Variants in AREL1 observed in about 807,000 individuals in gnomAD.
AREL1 encodes the protein apoptosis-resistant E3 ubiquitin protein ligase 1.
In AREL1, 62 loss-of-function variants were observed where a neutral mutation model predicts 99.0. The ratio of observed to expected loss-of-function variants is 0.63; its 90% CI spans 0.51 to 0.77. The LOEUF (loss-of-function observed/expected upper bound fraction) is 0.77, where lower values mean the gene tolerates loss of function less well. Ranked by LOEUF, AREL1 falls within the 30% of genes least tolerant of loss-of-function variation. The probability of loss-of-function intolerance (pLI) is 0.00; values close to 1 mark genes in which losing one functional copy is unlikely to be tolerated. For missense variants in AREL1, 879 were observed against 1,027.6 expected (o/e 0.86, Z 1.98); for synonymous variants, 380 against 376.5 (o/e 1.01, Z -0.11).
Position 74,683,411 on chromosome 14 carries a change from A to G in AREL1, c.366T>C (p.Asn122=). The G allele has an allele frequency of 6.2e-7, 1 of 1,614,130 alleles. No homozygotes were observed. Among genetic ancestry groups the G allele is most frequent in the South Asian group, 1.1e-5 (1 of 91,076 alleles). ...TGAAGGCCACTTTTACTACGTTGGA[A>G]TTGGGCTCCTGAAGGACTTCCTGGG... The part of the protein sequence containing the change: ...PVTQEVLQEP[N]SNVVKVAFTV... The change falls in exon 5 of 20, where the codon AAT becomes AAC. Residue 122 remains asparagine (N), a synonymous_variant. Transcript: ENST00000356357.
At chr14:74,707,081 G>A (rs757924011) in intron 1 of AREL1, among the ~76,000 whole-genome samples, 2 of 152,148 alleles carry the variant, frequency 1.3e-5, no homozygotes, top group African/African-American at 4.8e-5. Flanking sequence ...AATTATACAC[G>A]ATCTGGTCGG....
In AREL1 at chr14:74,684,576, G is replaced by T. The variant is rs760449857; in HGVS notation, c.121C>A (p.Arg41=). The T allele has an allele frequency of 6.2e-7, 1 of 1,614,114 alleles. No homozygotes were observed. Among genetic ancestry groups the T allele is most frequent in the Non-Finnish European group, 8.5e-7 (1 of 1,180,032 alleles). ...SFLQNEDRER[R]GDRTIYDYVR... ...TAGTCATAAATAGTCCGGTCCCCTC[G>T]GCGCTCGCGGTCCTCATTCTGGAGG... The change falls in exon 4 of 20, where the codon CGA becomes AGA. Residue 41 remains arginine (R), a synonymous_variant. Transcript: ENST00000356357.
intron 17 of AREL1, among the ~76,000 whole-genome samples, chr14:74,665,444 A>T (rs373092010): frequency 5.1e-4 from 77 of 152,148 alleles, no homozygotes; most frequent in African/African-American, 1.8e-3. Flanking sequence ...TTATTTTTAA[A>T]TGAAACAAAG....
intron 18 of AREL1, 109 bp from the exon 19 acceptor site, chr14:74,664,183 T>C: frequency 1.6e-6 from 2 of 1,246,694 alleles, no homozygotes; most frequent in Non-Finnish European, 2.2e-6. Flanking sequence ...CAGTTACCGT[T>C]CTATGAGGAC....
In AREL1 at chr14:74,693,246, T is replaced by C. The variant is rs113608381; in HGVS notation, c.-333-918A>G. Among the ~76,000 whole-genome samples the C allele has an allele frequency of 8.3e-4, 127 of 152,304 alleles. 1 individual carries two copies. The highest frequency in any genetic ancestry group is 3.0e-3 in the African/African-American group (123 of 41,560). ...AAGCCCAATCTATCAGCCTATGCAG[T>C]CTGCTCCCTTCGTGCCCACATATGC... On this transcript the variant is annotated intron_variant, in intron 1 of 19. Coordinates refer to ENST00000356357, the MANE Select transcript of AREL1 (RefSeq NM_001039479.2).
chr14:74,664,150 T>C, intron 18 of AREL1, 76 bp from the exon 19 acceptor site: 4 of 1,496,316 alleles, frequency 2.7e-6, no homozygotes, highest in Non-Finnish European at 3.6e-6. Flanking sequence ...AGGAACAAGA[T>C]ACACTAAAGT....
At chr14:74,669,856 C>A in intron 14 of AREL1, 82 bp from the exon 15 acceptor site, 1 of 1,585,468 alleles carries the variant, frequency 6.3e-7, no homozygotes, top group Non-Finnish European at 8.6e-7. Flanking sequence ...CTTATCCCTT[C>A]AACCTTAAAA....
At chr14:74,707,007 G>T (rs1428854983) in intron 1 of AREL1, among the ~76,000 whole-genome samples, 2 of 152,184 alleles carry the variant, frequency 1.3e-5, no homozygotes, top group African/African-American at 4.8e-5. Context: ...CGTCAGAGGG[G>T]ATTCTTGGAC....
intron 4 of AREL1, 45 bp from the exon 5 acceptor site, chr14:74,683,578 A>G (rs1350587534): frequency 4.4e-6 from 7 of 1,579,324 alleles, no homozygotes; most frequent in Middle Eastern, 3.4e-4. Context: ...GCAGAGGAAA[A>G]AAACATTTCC....
intron 8 of AREL1, among the ~76,000 whole-genome samples, chr14:74,674,517 G>T (rs1300740030): frequency 6.6e-6 from 1 of 152,100 alleles, no homozygotes; most frequent in Non-Finnish European, 1.5e-5. Context: ...CACAAGAATC[G>T]CTTGAACCCG....
Position 74,707,361 on chromosome 14 carries a change from T to C in AREL1, c.-334+5572A>G, listed in dbSNP as rs576784802. Reference sequence around the variant, plus strand: ...CCAGCCTGGGTGACAAGAGCGAAACTCCATTTTAAAAAAAAAAGAGGCCGG... The same window carrying C: ...CCAGCCTGGGTGACAAGAGCGAAACCCCATTTTAAAAAAAAAAGAGGCCGG... On this transcript the variant is annotated intron_variant, in intron 1 of 19. Coordinates refer to ENST00000356357, the MANE Select transcript of AREL1 (RefSeq NM_001039479.2). Among the ~76,000 whole-genome samples, 325 of 130,870 alleles carry C rather than the reference T, an allele frequency of 2.5e-3. 5 individuals carry two copies. In the Middle Eastern group the frequency reaches 0.028, roughly 11 times the overall value. The allele number at this position is 130,870 out of a possible 152,430, so 85.9% of individuals were successfully genotyped here. A position where few individuals can be genotyped will look rare whatever the true frequency, so the allele number is the denominator to read the frequency against.
At chr14:74,677,944 A>G (rs2089531239) in intron 5 of AREL1, among the ~76,000 whole-genome samples, 1 of 152,232 alleles carries the variant, frequency 6.6e-6, no homozygotes, top group Non-Finnish European at 1.5e-5. Flanking sequence ...AAGAAATAAA[A>G]CAAAAAAACC....
At chr14:74,676,115 T>C (rs944262312) in intron 7 of AREL1, 26 bp downstream of exon 7, 1 of 1,605,000 alleles carries the variant, frequency 6.2e-7, no homozygotes, top group Non-Finnish European at 8.5e-7. Context: ...AGAACAGCAC[T>C]AAATCATACT....
intron 1 of AREL1, among the ~76,000 whole-genome samples, chr14:74,710,960 G>A (rs758986950): frequency 1.1e-4 from 16 of 152,072 alleles, no homozygotes; most frequent in African/African-American, 3.6e-4. Context: ...TGCCAGGCAC[G>A]GTGGCTCACG....
In AREL1 at chr14:74,671,427, A is replaced by C. The variant is rs2089342469; in HGVS notation, c.1479T>G (p.Val493=). The C allele has an allele frequency of 1.9e-6, 3 of 1,588,022 alleles. No homozygotes were observed. Among genetic ancestry groups the C allele is most frequent in the Non-Finnish European group, 2.6e-6 (3 of 1,169,472 alleles). ...ACTGACCTTCTTCATCCTGGAAAACAACCTCAAAGTTCTTGCTCCAATCTG... is the reference window on the plus strand; with the variant it reads ...ACTGACCTTCTTCATCCTGGAAAACCACCTCAAAGTTCTTGCTCCAATCTG... ...SISDWSKNFE[V]VFQDEEALDW... is the part of the protein sequence containing the mutation. The change falls in exon 12 of 20, where the codon GTT becomes GTG. Residue 493 remains valine (V), a synonymous_variant. Coordinates refer to ENST00000356357, the MANE Select transcript of AREL1 (RefSeq NM_001039479.2).
chr14:74,670,322 A>C (rs1385480520), intron 13 of AREL1, among the ~76,000 whole-genome samples, 196 bp from the exon 14 acceptor site: 3 of 152,226 alleles, frequency 2.0e-5, no homozygotes, highest in African/African-American at 7.2e-5. Context: ...AAAGGTGGAC[A>C]TAATTAAGAA....
intron 15 of AREL1, among the ~76,000 whole-genome samples, chr14:74,668,188 T>C (rs1337903175): frequency 6.6e-6 from 1 of 152,206 alleles, no homozygotes; most frequent in East Asian, 1.9e-4. Context: ...CTTTCCTCTC[T>C]GCAAAGAAAA....
intron 1 of AREL1, among the ~76,000 whole-genome samples, chr14:74,692,753 G>A (rs1168047791): frequency 2.0e-5 from 3 of 152,136 alleles, no homozygotes; most frequent in Non-Finnish European, 2.9e-5. Context: ...ACCCAGGTTG[G>A]AGTGCAGTGG....
chr14:74,670,714 C>T (rs1442991994), intron 13 of AREL1, 48 bp downstream of exon 13: 1 of 1,519,684 alleles, frequency 6.6e-7, no homozygotes, highest in Non-Finnish European at 9.1e-7. Flanking sequence ...TGTTAGTCTA[C>T]CCATGATAAC....
Sources: gnomAD v4.1 joint callset for allele counts (sites outside exome capture counted in the v4.1 genomes callset) on GRCh38, gnomAD v4.1.1 for gene constraint, MANE v1.5 for transcripts, NCBI Gene and HGNC (gene_info 2026-07-23, HGNC 2026-07-21) for gene names.